ARHGAP10: variants seen among roughly 807,000 people sequenced by gnomAD.
ARHGAP10 encodes the protein Rho GTPase activating protein 10, also known as rho GTPase-activating protein 10.
Under a neutral mutation model 108.6 loss-of-function variants are expected in ARHGAP10, and 87 were observed. The ratio of observed to expected loss-of-function variants is 0.80; its 90% CI spans 0.67 to 0.96. The LOEUF is 0.96. Ranked by LOEUF, ARHGAP10 falls within the 40% of genes least tolerant of loss-of-function variation. The pLI is 0.00. For synonymous variants in ARHGAP10, 347 were observed against 341.1 expected (o/e 1.02, Z -0.19); for missense variants, 939 against 954.5 (o/e 0.98, Z 0.21).
chr4:147,847,748 G>A (rs1026853620), intron 4 of ARHGAP10, among the ~76,000 whole-genome samples: 8 of 152,188 alleles, frequency 5.3e-5, no homozygotes, highest in African/African-American at 1.9e-4. Flanking sequence ...ATAGTACTGT[G>A]CTGGGGATTC....
intron 1 of ARHGAP10, among the ~76,000 whole-genome samples, chr4:147,807,441 T>A (rs1000568746): frequency 4.1e-5 from 6 of 147,214 alleles, no homozygotes; most frequent in African/African-American, 1.0e-4. Context: ...TCCAGAATTA[T>A]TTTTTTTTTA....
intron 19 of ARHGAP10, among the ~76,000 whole-genome samples, chr4:148,033,990 T>C (rs1728263847): frequency 6.6e-6 from 1 of 152,218 alleles, no homozygotes; most frequent in African/African-American, 2.4e-5. Flanking sequence ...CGGTTAAGTT[T>C]GGATTTAAAT....
At chr4:147,802,790 G>C (rs1200706793) in intron 1 of ARHGAP10, among the ~76,000 whole-genome samples, 1 of 152,172 alleles carries the variant, frequency 6.6e-6, no homozygotes, top group Non-Finnish European at 1.5e-5. Flanking sequence ...TCTCAAAGTT[G>C]TTTCTCATCA....
intron 16 of ARHGAP10, among the ~76,000 whole-genome samples, chr4:147,960,296 C>T (rs1738945146): frequency 6.6e-6 from 1 of 151,772 alleles, no homozygotes; most frequent in Admixed American, 6.6e-5. Flanking sequence ...AATTTCTTAG[C>T]CTTTTTGCAT....
intron 13 of ARHGAP10, among the ~76,000 whole-genome samples, chr4:147,935,728 A>AG (rs1447563432): frequency 6.6e-6 from 1 of 152,238 alleles, no homozygotes; most frequent in Non-Finnish European, 1.5e-5. Context: ...GCTCTCATTT[A>AG]GTTCAGAGCC....
intron 1 of ARHGAP10, among the ~76,000 whole-genome samples, chr4:147,775,918 T>G (rs749408718): frequency 3.9e-5 from 6 of 152,174 alleles, no homozygotes; most frequent in South Asian, 2.1e-4. Context: ...CACAACAACA[T>G]CTCCGTTTTA....
intron 4 of ARHGAP10, among the ~76,000 whole-genome samples, chr4:147,849,161 G>A (rs981355067): frequency 2.0e-5 from 3 of 151,546 alleles, no homozygotes; most frequent in Non-Finnish European, 4.4e-5. Context: ...GTGGTTGTCT[G>A]TGTTCTGTAA....
intron 18 of ARHGAP10, among the ~76,000 whole-genome samples, chr4:148,022,023 C>T (rs1741586280): frequency 6.6e-6 from 1 of 152,138 alleles, no homozygotes; most frequent in Non-Finnish European, 1.5e-5. Context: ...GCAATTAAAA[C>T]TCCAGCATTG....
intron 5 of ARHGAP10, chr4:147,864,052 C>G (rs2126843284): frequency 6.6e-6 from 1 of 152,160 alleles, no homozygotes; most frequent in South Asian, 2.1e-4. Flanking sequence ...GGAGAAATGC[C>G]CAGATAAATA....
chr4:147,862,532 C>G (rs773898289), intron 5 of ARHGAP10: 1 of 152,324 alleles, frequency 6.6e-6, no homozygotes, highest in Non-Finnish European at 1.5e-5. Context: ...ACTTTGCCCT[C>G]TGCAGCTGGT....
chr4:148,017,682 A>ATATATATATATATATATATATATATG (rs1437383455), intron 18 of ARHGAP10, among the ~76,000 whole-genome samples: 11 of 135,244 alleles, frequency 8.1e-5, no homozygotes, highest in Non-Finnish European at 1.2e-4. Flanking sequence ...ATATATATAT[A>ATATATATATATATATATATATATATG]TGTGTGTGTA....
At chr4:147,931,227 A>G (rs768602275) in intron 13 of ARHGAP10, among the ~76,000 whole-genome samples, 1 of 152,104 alleles carries the variant, frequency 6.6e-6, no homozygotes, top group Non-Finnish European at 1.5e-5. Context: ...GACAGCTGTC[A>G]TCAGCTGCTC....
chr4:147,775,165 G>A (rs1371237828), intron 1 of ARHGAP10, among the ~76,000 whole-genome samples: 1 of 152,016 alleles, frequency 6.6e-6, no homozygotes, highest in Non-Finnish European at 1.5e-5. Flanking sequence ...CACTCGCCTC[G>A]GCCCCCCAAA....
intron 10 of ARHGAP10, among the ~76,000 whole-genome samples, chr4:147,903,548 T>C (rs1300248924): frequency 6.6e-6 from 1 of 152,230 alleles, no homozygotes; most frequent in Non-Finnish European, 1.5e-5. Context: ...GTACTGAATG[T>C]ATCCATCATT....
At chr4:147,815,366 A>G (rs1387744687) in intron 1 of ARHGAP10, among the ~76,000 whole-genome samples, 1 of 152,168 alleles carries the variant, frequency 6.6e-6, no homozygotes, top group Non-Finnish European at 1.5e-5. Context: ...GTGGCCCTCC[A>G]GTGATGTCCT....
At chr4:147,743,340 G>A (rs1301374386) in intron 1 of ARHGAP10, among the ~76,000 whole-genome samples, 1 of 152,100 alleles carries the variant, frequency 6.6e-6, no homozygotes, top group Non-Finnish European at 1.5e-5. Context: ...CGATAGTTTT[G>A]TTTTTATTTT....
intron 1 of ARHGAP10, among the ~76,000 whole-genome samples, chr4:147,789,168 C>T (rs187548704): frequency 3.3e-5 from 5 of 152,304 alleles, no homozygotes. Context: ...TCCATTCAGT[C>T]GTGGAGAAGT....
At chr4:147,886,528 T>C (rs1735571544) in intron 10 of ARHGAP10, among the ~76,000 whole-genome samples, 1 of 152,228 alleles carries the variant, frequency 6.6e-6, no homozygotes, top group South Asian at 2.1e-4. Flanking sequence ...ACTCACTTTC[T>C]TCCTTAACTA....
intron 18 of ARHGAP10, among the ~76,000 whole-genome samples, chr4:148,011,055 C>A (rs1220760295): frequency 6.6e-6 from 1 of 152,142 alleles, no homozygotes; most frequent in Non-Finnish European, 1.5e-5. Flanking sequence ...TACTTTGACT[C>A]TTCACAATTA....
Sources: allele counts gnomAD v4.1 joint callset (sites outside exome capture counted in the v4.1 genomes callset), GRCh38; gene constraint gnomAD v4.1.1; transcripts MANE v1.5; gene names NCBI Gene and HGNC (gene_info 2026-07-23, HGNC 2026-07-21).